TACR1: variants seen among roughly 807,000 people sequenced by gnomAD.
TACR1 encodes the protein tachykinin receptor 1, also known as substance-P receptor.
A neutral mutation model predicts 35.8 loss-of-function variants in TACR1; 25 were observed. The ratio of observed to expected loss-of-function variants is 0.70; its 90% CI spans 0.51 to 0.98. The LOEUF is 0.98. Among genes scored for constraint, TACR1 ranks in the 50% least tolerant of loss-of-function variants. The probability of loss-of-function intolerance (pLI) is 0.00; values close to 1 mark genes in which losing one functional copy is unlikely to be tolerated. For synonymous variants in TACR1, 195 were observed against 206.7 expected, an observed-to-expected ratio of 0.94 and a Z score of 0.48; for missense variants, 478 against 522.9, an observed-to-expected ratio of 0.91 and a Z score of 0.84.
chr2:75,188,289 T>G (rs2104072901), intron 1 of TACR1: 1 of 152,350 alleles, frequency 6.6e-6, no homozygotes, highest in East Asian at 1.9e-4. Flanking sequence ...AGTGGATGTT[T>G]CTCTACAGTA....
intron 2 of TACR1, among the ~76,000 whole-genome samples, chr2:75,102,139 G>A (rs1392676607): frequency 6.6e-6 from 1 of 152,044 alleles, no homozygotes; most frequent in Admixed American, 6.6e-5. Context: ...TGGGTAATGA[G>A]AAACACATGG....
intron 2 of TACR1, among the ~76,000 whole-genome samples, chr2:75,064,066 ATTCT>A (rs1057498651): frequency 2.0e-5 from 3 of 150,014 alleles, no homozygotes; most frequent in Non-Finnish European, 4.4e-5. Context: ...CCCCTTACAG[ATTCT>A]TTCTTGGGCA....
chr2:75,196,446 A>AT (rs1675976808), intron 1 of TACR1, among the ~76,000 whole-genome samples: 1 of 152,188 alleles, frequency 6.6e-6, no homozygotes, highest in Non-Finnish European at 1.5e-5. Context: ...TGCCATTGGT[A>AT]ACCTCCCTGG....
intron 1 of TACR1, among the ~76,000 whole-genome samples, chr2:75,155,699 A>T (rs1674833247): frequency 6.6e-6 from 1 of 152,260 alleles, no homozygotes; most frequent in Non-Finnish European, 1.5e-5. Context: ...ATTTTATCAT[A>T]TCCACATAAC....
At chr2:75,070,194 T>C (rs893002530) in intron 2 of TACR1, among the ~76,000 whole-genome samples, 4 of 151,810 alleles carry the variant, frequency 2.6e-5, no homozygotes, top group African/African-American at 9.7e-5. Flanking sequence ...GCCCATTCAA[T>C]TGACCTACCC....
intron 2 of TACR1, among the ~76,000 whole-genome samples, chr2:75,057,092 C>T (rs928872603): frequency 2.0e-5 from 3 of 152,204 alleles, no homozygotes; most frequent in African/African-American, 7.2e-5. Context: ...GCCTCTGAGC[C>T]CAAGCTAAGC....
At chr2:75,061,695 T>A (rs1672677288) in intron 2 of TACR1, among the ~76,000 whole-genome samples, 1 of 152,112 alleles carries the variant, frequency 6.6e-6, no homozygotes, top group Non-Finnish European at 1.5e-5. Context: ...GGGTGACCAA[T>A]CAAGGTGGAT....
Position 75,152,973 on chromosome 2 carries a change from G to T in TACR1, c.390-32205C>A, listed in dbSNP as rs146502333. 2.0e-5 allele frequency among the ~76,000 whole-genome samples: 3 copies of T among 152,280 alleles called. No homozygotes were observed. The East Asian group carries it at 5.8e-4, about 29-fold the overall frequency. On this transcript the variant is annotated intron_variant, in intron 1 of 4. Coordinates refer to ENST00000305249, the MANE Select transcript of TACR1 (RefSeq NM_001058.4). ...GCTGGAGTGCAGTAGCGCAATCTCG[G>T]CTCACTGCAACCTCTGCCTCCTGGG...
intron 1 of TACR1, chr2:75,154,408 A>ACACGCGCG (rs1674762905): frequency 3.0e-5 from 3 of 98,592 alleles, no homozygotes; most frequent in African/African-American, 1.3e-4. Flanking sequence ...AAGAGCGCGC[A>ACACGCGCG]CGCACACACA....
At chr2:75,074,874 G>A (rs1672950885) in intron 2 of TACR1, among the ~76,000 whole-genome samples, 1 of 152,106 alleles carries the variant, frequency 6.6e-6, no homozygotes, top group Admixed American at 6.5e-5. Context: ...GTAACCAGCT[G>A]GTCTTGATTT....
chr2:75,126,690 A>G (rs182346560), intron 1 of TACR1, among the ~76,000 whole-genome samples: 20 of 152,334 alleles, frequency 1.3e-4, no homozygotes, highest in African/African-American at 4.8e-4. Context: ...GAAACTATCA[A>G]CAGAGCATAC....
chr2:75,142,797 AGTT>A (rs1674435623), intron 1 of TACR1, among the ~76,000 whole-genome samples: 1 of 152,200 alleles, frequency 6.6e-6, no homozygotes, highest in African/African-American at 2.4e-5. Flanking sequence ...AAATCATCCC[AGTT>A]GTTTTATAAA....
intron 1 of TACR1, among the ~76,000 whole-genome samples, chr2:75,181,500 A>G (rs1675557875): frequency 6.6e-6 from 1 of 152,220 alleles, no homozygotes; most frequent in South Asian, 2.1e-4. Flanking sequence ...TTTAAAAACC[A>G]TAGTGGATTT....
At chr2:75,050,798 C>T (rs76982332) in intron 4 of TACR1, among the ~76,000 whole-genome samples, 8,935 of 152,252 alleles carry the variant, frequency 0.059, 474 homozygotes, top group African/African-American at 0.14. Context: ...AGTGAGAGAT[C>T]AGAGAGGGCG....
At chr2:75,137,185 C>T (rs569961796) in intron 1 of TACR1, among the ~76,000 whole-genome samples, 1 of 152,076 alleles carries the variant, frequency 6.6e-6, no homozygotes, top group Admixed American at 6.5e-5. Context: ...TGTTTCAGTC[C>T]CCTCACTAGA....
intron 2 of TACR1, among the ~76,000 whole-genome samples, chr2:75,078,616 C>G (rs1047178040): frequency 2.6e-5 from 4 of 152,134 alleles, no homozygotes; most frequent in Non-Finnish European, 5.9e-5. Context: ...TGAACCTACT[C>G]CAGTCACATC....
rs993233484 is a variant in TACR1, at chr2:75,165,671, T to C, written c.389+32875A>G. The stretch of plus-strand genomic sequence containing the variant: ...GAGTAGTCTGGGAGGGGCCTTTGAC[T>C]TCTCTGCCCCTAAAAGTGAGTTCTC... On this transcript the variant is annotated intron_variant, in intron 1 of 4. Coordinates refer to ENST00000305249, the MANE Select transcript of TACR1 (RefSeq NM_001058.4). Among the ~76,000 whole-genome samples, 3 of 152,160 alleles carry C rather than the reference T, an allele frequency of 2.0e-5. No homozygotes were observed. In the East Asian group the frequency reaches 5.8e-4, roughly 29 times the overall value.
intron 2 of TACR1, among the ~76,000 whole-genome samples, chr2:75,105,905 AACCAAG>A (rs1310080597): frequency 1.3e-5 from 2 of 152,026 alleles, no homozygotes; most frequent in African/African-American, 4.8e-5. Flanking sequence ...AAACTGTCAC[AACCAAG>A]AGGAGCCTAA....
intron 1 of TACR1, chr2:75,188,383 GT>G (rs1423885780): frequency 2.0e-5 from 3 of 152,174 alleles, no homozygotes; most frequent in Non-Finnish European, 4.4e-5. Context: ...TGCACATGAG[GT>G]TTTTAAAAAT....
Sources: gnomAD v4.1 joint callset for allele counts (sites outside exome capture counted in the v4.1 genomes callset) on GRCh38, gnomAD v4.1.1 for gene constraint, MANE v1.5 for transcripts, NCBI Gene and HGNC (gene_info 2026-07-23, HGNC 2026-07-21) for gene names.